Variants in PDE7B observed in about 807,000 individuals in gnomAD.
The protein encoded by PDE7B is phosphodiesterase 7B.
A neutral mutation model predicts 56.2 loss-of-function variants in PDE7B; 29 were observed. The ratio of observed to expected loss-of-function variants is 0.52; its 90% confidence interval spans 0.38 to 0.70. PDE7B has a LOEUF of 0.70. Among genes scored for constraint, PDE7B ranks in the 30% least tolerant of loss-of-function variants. The pLI is 0.00. For synonymous variants in PDE7B, 197 were observed against 196.9 expected (o/e 1.00, Z 0.00); for missense variants, 490 against 565.0 (o/e 0.87, Z 1.35).
At chr6:136,091,909 G>A (rs1777393605) in intron 2 of PDE7B, among the ~76,000 whole-genome samples, 2 of 152,162 alleles carry the variant, frequency 1.3e-5, no homozygotes. Context: ...TCAAGTTTGT[G>A]CTCTATGTAG....
intron 2 of PDE7B, among the ~76,000 whole-genome samples, chr6:135,975,391 C>A (rs1261537524): frequency 6.6e-6 from 1 of 152,120 alleles, no homozygotes; most frequent in Non-Finnish European, 1.5e-5. Flanking sequence ...AGAAGGATAT[C>A]ATAAGCAGTA....
intron 1 of PDE7B, among the ~76,000 whole-genome samples, chr6:135,881,603 C>T (rs1775612652): frequency 6.6e-6 from 1 of 152,160 alleles, no homozygotes; most frequent in South Asian, 2.1e-4. Flanking sequence ...CTGCAATGAC[C>T]TGTTAATGTA....
intron 3 of PDE7B, among the ~76,000 whole-genome samples, chr6:136,122,015 A>G (rs1003915909): frequency 6.6e-6 from 1 of 150,838 alleles, no homozygotes; most frequent in African/African-American, 2.4e-5. Flanking sequence ...TTTTTTTTTG[A>G]GACGGAGTCT....
intron 1 of PDE7B, among the ~76,000 whole-genome samples, chr6:135,865,186 A>G (rs779734206): frequency 1.3e-5 from 2 of 152,048 alleles, no homozygotes; most frequent in African/African-American, 2.4e-5. Context: ...GGAAACCATC[A>G]TTCTCTAGCT....
intron 12 of PDE7B, among the ~76,000 whole-genome samples, chr6:136,188,362 A>C (rs1005217850): frequency 1.3e-5 from 2 of 152,148 alleles, no homozygotes; most frequent in Non-Finnish European, 2.9e-5. Context: ...GGTGGCATAG[A>C]AAAAATACAA....
chr6:135,911,485 A>G (rs894655234), intron 1 of PDE7B, among the ~76,000 whole-genome samples: 1 of 152,266 alleles, frequency 6.6e-6, no homozygotes, highest in Non-Finnish European at 1.5e-5. Flanking sequence ...CCAACGTGAT[A>G]TAAACAATTT....
chr6:136,139,610 T>C (rs561323796), intron 3 of PDE7B, among the ~76,000 whole-genome samples: 21 of 152,204 alleles, frequency 1.4e-4, no homozygotes, highest in Admixed American at 4.6e-4. Flanking sequence ...TTCCTATTTC[T>C]CCACATCCTC....
At chr6:135,999,759 A>G (rs983316578) in intron 2 of PDE7B, among the ~76,000 whole-genome samples, 2 of 152,014 alleles carry the variant, frequency 1.3e-5, no homozygotes, top group East Asian at 1.9e-4. Context: ...AATGATTTAC[A>G]TTGCTCTGGG....
intron 1 of PDE7B, among the ~76,000 whole-genome samples, chr6:135,904,698 C>G (rs1776066755): frequency 1.3e-5 from 2 of 152,096 alleles, no homozygotes; most frequent in Non-Finnish European, 2.9e-5. Context: ...GTCATAGCAT[C>G]GACAAAATTT....
At chr6:136,028,275 CA>C (rs1776186596) in intron 2 of PDE7B, among the ~76,000 whole-genome samples, 1 of 152,084 alleles carries the variant, frequency 6.6e-6, no homozygotes. Flanking sequence ...CCCAGATGAC[CA>C]AAATGGATAA....
intron 9 of PDE7B, 72 bp from the exon 10 acceptor site, chr6:136,178,925 G>A: frequency 6.6e-7 from 1 of 1,510,228 alleles, no homozygotes; most frequent in Non-Finnish European, 9.2e-7. Flanking sequence ...ACCTGATGAT[G>A]ATAAAATCAA....
At chr6:135,987,424 G>C (rs900538128) in intron 2 of PDE7B, among the ~76,000 whole-genome samples, 1 of 152,162 alleles carries the variant, frequency 6.6e-6, no homozygotes. Context: ...CTGACTAGGG[G>C]GTTTCTCTCT....
chr6:135,865,100 A>G (rs1305304259), intron 1 of PDE7B, among the ~76,000 whole-genome samples: 4 of 151,950 alleles, frequency 2.6e-5, no homozygotes, highest in Non-Finnish European at 4.4e-5. Context: ...AAAATGTGGC[A>G]CATATACACC....
At chr6:136,011,149 T>G (rs1775885980) in intron 2 of PDE7B, among the ~76,000 whole-genome samples, 1 of 152,002 alleles carries the variant, frequency 6.6e-6, no homozygotes, top group Non-Finnish European at 1.5e-5. Flanking sequence ...ACTCCCCCTT[T>G]CTCCCCATCA....
chr6:136,091,302 C>T (rs1310426942), intron 2 of PDE7B, among the ~76,000 whole-genome samples: 1 of 152,048 alleles, frequency 6.6e-6, no homozygotes, highest in Non-Finnish European at 1.5e-5. Context: ...CTTTTTTCCT[C>T]CCATACTGGG....
chr6:136,153,941 T>C, intron 6 of PDE7B, 134 bp from the exon 7 acceptor site: 2 of 600,380 alleles, frequency 3.3e-6, no homozygotes, highest in East Asian at 2.8e-5. Flanking sequence ...ACCACGTTTA[T>C]TTTTAAAGCA....
At chr6:136,001,946 G>A (rs1203493252) in intron 2 of PDE7B, among the ~76,000 whole-genome samples, 3 of 152,120 alleles carry the variant, frequency 2.0e-5, no homozygotes, top group African/African-American at 7.2e-5. Flanking sequence ...AGGGCAGCCA[G>A]AGAGAAAGGT....
At chr6:136,009,836 A>G (rs1327283399) in intron 2 of PDE7B, among the ~76,000 whole-genome samples, 2 of 151,678 alleles carry the variant, frequency 1.3e-5, no homozygotes, top group Non-Finnish European at 2.9e-5. Flanking sequence ...TATTTGTGTC[A>G]TCTCTCTTTT....
intron 1 of PDE7B, among the ~76,000 whole-genome samples, chr6:135,875,033 A>G (rs1029620514): frequency 7.9e-5 from 12 of 151,992 alleles, no homozygotes; most frequent in African/African-American, 2.9e-4. Context: ...TAATATTAAA[A>G]GCTTCTATTC....
Sources: allele counts gnomAD v4.1 joint callset (sites outside exome capture counted in the v4.1 genomes callset), GRCh38; gene constraint gnomAD v4.1.1; transcripts MANE v1.5; gene names NCBI Gene and HGNC (gene_info 2026-07-23, HGNC 2026-07-21).